HPSE2: variants seen among roughly 807,000 people sequenced by gnomAD.
The protein encoded by HPSE2 is inactive heparanase-2.
HPSE2 carries 38 observed loss-of-function variants against 60.5 expected under a neutral mutation model. The observed-to-expected ratio is 0.63, with a 90% CI of 0.48 to 0.82. The LOEUF (loss-of-function observed/expected upper bound fraction) is 0.82. HPSE2 is among the 40% of genes least tolerant of loss of function. HPSE2 has a pLI of 0.00. For missense variants in HPSE2, 713 were observed against 740.4 expected (o/e 0.96, Z 0.43); for synonymous variants, 295 against 293.2 (o/e 1.01, Z -0.06).
At chr10:99,144,140 A>G (rs1845965005) in intron 3 of HPSE2, 98 bp downstream of exon 3, 2 of 1,150,732 alleles carry the variant, frequency 1.7e-6, no homozygotes, top group Admixed American at 1.8e-5. Flanking sequence ...TCACAATTTA[A>G]AAAGTGATAT....
rs74932473 is a variant in HPSE2, at chr10:98,483,915, A to G, written c.1467-1133T>C. On this transcript the variant is annotated intron_variant, in intron 10 of 11. Transcript: ENST00000370552. ...TATCCTGACAGATACACACTTTTTG[A>G]TGCCATTGATATTAACTCTCTAGGA... is the stretch of plus-strand genomic sequence containing the variant. Among the ~76,000 whole-genome samples the G allele has an allele frequency of 2.4e-3, 367 of 152,234 alleles. 3 individuals are homozygous for G. Among genetic ancestry groups the G allele is most frequent in the African/African-American group, 8.4e-3 (350 of 41,540 alleles).
At chr10:98,676,037 A>G (rs1947632764) in intron 6 of HPSE2, among the ~76,000 whole-genome samples, 1 of 147,114 alleles carries the variant, frequency 6.8e-6, no homozygotes, top group African/African-American at 2.4e-5. Flanking sequence ...GCTGCCTCAA[A>G]GAAAAAAAAA....
intron 9 of HPSE2, among the ~76,000 whole-genome samples, chr10:98,601,811 G>A (rs965761007): frequency 1.1e-4 from 16 of 151,570 alleles, no homozygotes; most frequent in South Asian, 2.1e-4. Flanking sequence ...TGTGGGACTC[G>A]GTGGCCAGGG....
chr10:98,749,947 T>TATATATATATATATATACATACAC, intron 3 of HPSE2, among the ~76,000 whole-genome samples: 1 of 98,484 alleles, frequency 1.0e-5, no homozygotes, highest in Admixed American at 1.1e-4. Context: ...TATATATATA[T>TATATATATATATATATACATACAC]ACACACACAC....
chr10:98,815,835 T>C (rs550470323), intron 3 of HPSE2, among the ~76,000 whole-genome samples: 31 of 152,162 alleles, frequency 2.0e-4, no homozygotes, highest in Admixed American at 6.5e-4. Context: ...ACAACGAATT[T>C]ACGTAAGATT....
At chr10:99,259,788 T>C in the HPSE2 span, among the ~76,000 whole-genome samples, 1 of 152,152 alleles carries the variant, frequency 6.6e-6, no homozygotes, top group Non-Finnish European at 1.5e-5. Flanking sequence ...GAGCAAGCAT[T>C]ACCACCTGAG....
chr10:99,314,114 T>C, the HPSE2 span, among the ~76,000 whole-genome samples: 1 of 152,186 alleles, frequency 6.6e-6, no homozygotes, highest in Non-Finnish European at 1.5e-5. Flanking sequence ...AAAAAGATTA[T>C]GACTTACTGA....
At chr10:98,489,941 A>T in intron 10 of HPSE2, 110 bp downstream of exon 10, 1 of 1,338,230 alleles carries the variant, frequency 7.5e-7, no homozygotes, top group South Asian at 1.2e-5. Context: ...TTCCAGAGGC[A>T]AAAAGTTTTT....
intron 3 of HPSE2, among the ~76,000 whole-genome samples, chr10:99,132,137 GAAA>G: frequency 3.7e-5 from 2 of 53,368 alleles, no homozygotes; most frequent in Non-Finnish European, 1.0e-4. Context: ...AGAAAGGAAA[GAAA>G]GAAAGGAAGA....
At chr10:99,202,013 G>C (rs1247515352) in intron 2 of HPSE2, among the ~76,000 whole-genome samples, 1 of 152,128 alleles carries the variant, frequency 6.6e-6, no homozygotes, top group East Asian at 1.9e-4. Context: ...TAAATAAAAC[G>C]AGATCACTGG....
At chr10:98,481,594 A>G (rs1324204764) in intron 11 of HPSE2, among the ~76,000 whole-genome samples, 2 of 152,224 alleles carry the variant, frequency 1.3e-5, no homozygotes, top group Non-Finnish European at 2.9e-5. Context: ...CGAGACTGAA[A>G]ATGAAGATCT....
At position 98,522,338 on chromosome 10, in the gene HPSE2, A is replaced by G. The variant is rs536844330; in HGVS notation, c.1321-32142T>C. Among the ~76,000 whole-genome samples the G allele has an allele frequency of 1.1e-3, 175 of 152,270 alleles. 1 individual carries two copies. Among genetic ancestry groups the G allele is most frequent in the Non-Finnish European group, 1.6e-3 (109 of 68,020 alleles). On this transcript the variant is annotated intron_variant, in intron 9 of 11. Transcript: ENST00000370552. ...AGATAGAGAATCTTTGTTCCCCACC[A>G]TCCACTATAAGAGAAACTAATAGGT... is the stretch of plus-strand genomic sequence containing the variant.
chr10:98,526,119 C>G lies in HPSE2; in HGVS notation c.1321-35923G>C, dbSNP rs1942959038. ...CACAGTTTCTGCTATTTCTAGCCTG[C>G]TAGTATGTAGATGCTGAAAATGGTA... On this transcript the variant is annotated intron_variant, in intron 9 of 11. Coordinates refer to ENST00000370552, the MANE Select transcript of HPSE2 (RefSeq NM_021828.5). Among the ~76,000 whole-genome samples, 3 of 152,162 alleles carry G rather than the reference C, an allele frequency of 2.0e-5. 1 individual carries two copies. The South Asian group carries it at 6.2e-4, about 32-fold the overall frequency.
intron 3 of HPSE2, among the ~76,000 whole-genome samples, chr10:98,758,705 G>A (rs546646520): frequency 7.2e-5 from 11 of 152,278 alleles, no homozygotes; most frequent in African/African-American, 2.4e-4. Flanking sequence ...GTGAGCTTGC[G>A]GAGAAAAACG....
intron 6 of HPSE2, among the ~76,000 whole-genome samples, chr10:98,656,576 T>C (rs917836996): frequency 2.0e-5 from 3 of 152,174 alleles, no homozygotes; most frequent in Non-Finnish European, 4.4e-5. Context: ...GACTTTTTTA[T>C]GAGGACCCAC....
the HPSE2 span, among the ~76,000 whole-genome samples, chr10:99,266,125 C>T: frequency 6.6e-6 from 1 of 152,152 alleles, no homozygotes; most frequent in Non-Finnish European, 1.5e-5. Context: ...CGAAGTTTCC[C>T]GGACAGAACT....
At chr10:98,626,622 C>T (rs1362806844) in intron 7 of HPSE2, among the ~76,000 whole-genome samples, 2 of 152,126 alleles carry the variant, frequency 1.3e-5, no homozygotes, top group Non-Finnish European at 2.9e-5. Context: ...AAAACCCAAA[C>T]AGACAGTGGC....
chr10:99,158,847 AAAG>A (rs1260732494), intron 2 of HPSE2, among the ~76,000 whole-genome samples: 7 of 152,196 alleles, frequency 4.6e-5, no homozygotes, highest in Non-Finnish European at 1.0e-4. Flanking sequence ...CATTTAACAA[AAAG>A]AAGGCAGTTA....
In HPSE2 at chr10:98,697,259, A is replaced by T. The variant is rs540301751; in HGVS notation, c.957-3312T>A. On this transcript the variant is annotated intron_variant, in intron 5 of 11. Coordinates refer to ENST00000370552, the MANE Select transcript of HPSE2 (RefSeq NM_021828.5). ...CAGTGCAAAGAAGCTAAGAATCTTGATTAAAGGGTACAGGAGCTGCTAACT... is the reference window on the plus strand; with the variant it reads ...CAGTGCAAAGAAGCTAAGAATCTTGTTTAAAGGGTACAGGAGCTGCTAACT... 3.9e-5 allele frequency among the ~76,000 whole-genome samples: 6 copies of T among 152,340 alleles called. No individual in the cohort carries two copies. In the East Asian group the frequency reaches 7.7e-4, roughly 20 times the overall value.
Sources: allele counts gnomAD v4.1 joint callset (sites outside exome capture counted in the v4.1 genomes callset), GRCh38; gene constraint gnomAD v4.1.1; transcripts MANE v1.5; gene names NCBI Gene and HGNC (gene_info 2026-07-23, HGNC 2026-07-21).